AGAP3: variants seen among roughly 807,000 people sequenced by gnomAD.
AGAP3 encodes the protein arf-GAP with GTPase, ANK repeat and PH domain-containing protein 3.
In AGAP3, 24 loss-of-function variants were observed where a neutral mutation model predicts 96.9. The ratio of observed to expected loss-of-function variants is 0.25; its 90% CI spans 0.18 to 0.35. The LOEUF is 0.35. Ranked by LOEUF, AGAP3 falls within the 10% of genes least tolerant of loss-of-function variation. The pLI, the probability that AGAP3 is intolerant of heterozygous loss-of-function variation, is 1.00. For missense variants in AGAP3, 876 were observed against 1,254.2 expected, an observed-to-expected ratio of 0.70 and a Z score of 4.55; for synonymous variants, 563 against 536.1, an observed-to-expected ratio of 1.05 and a Z score of -0.69.
chr7:151,104,315 A>G (rs1795588540), intron 1 of AGAP3, among the ~76,000 whole-genome samples: 1 of 152,198 alleles, frequency 6.6e-6, no homozygotes, highest in South Asian at 2.1e-4. Flanking sequence ...TGTTATAACC[A>G]GTGACAAAAC....
rs1265587556 is a variant in AGAP3, at chr7:151,142,319, G to A, written c.2050+66G>A. 11 of 1,599,656 alleles carry A rather than the reference G, an allele frequency of 6.9e-6. No homozygotes were observed. The Admixed American group carries it at 1.3e-4, about 19-fold the overall frequency. ...CAGGGAAAGCTTCGCAAGCATCAGG[G>A]AGCAGGGAAGAGGGCAGGGAAGCCT... On this transcript the variant is annotated intron_variant, in intron 15 of 17. Coordinates refer to ENST00000397238, the MANE Select transcript of AGAP3 (RefSeq NM_031946.7). The surrounding 1 kb of genome is among the most constrained non-coding windows in gnomAD (Gnocchi z 7.5).
chr7:151,115,769 C>G (rs1799546848), intron 1 of AGAP3: 1 of 531,246 alleles, frequency 1.9e-6, no homozygotes, highest in Non-Finnish European at 2.5e-6. Flanking sequence ...GACCGAGTGT[C>G]GTCCGCGCCT....
intron 1 of AGAP3, among the ~76,000 whole-genome samples, chr7:151,094,189 A>G (rs1563421720): frequency 1.3e-5 from 2 of 151,974 alleles, no homozygotes; most frequent in African/African-American, 4.8e-5. Context: ...AACAGTGCCT[A>G]GCGTGTCATA....
chr7:151,122,478 T>C (rs1799947050), intron 8 of AGAP3, among the ~76,000 whole-genome samples: 1 of 152,082 alleles, frequency 6.6e-6, no homozygotes, highest in African/African-American at 2.4e-5. Context: ...GCTTGGCCTG[T>C]GTCTGCCCAG....
chr7:151,124,922 T>G (rs1300076852), intron 9 of AGAP3, among the ~76,000 whole-genome samples: 1 of 152,182 alleles, frequency 6.6e-6, no homozygotes, highest in Non-Finnish European at 1.5e-5. Flanking sequence ...AAATGTTCGT[T>G]GCATTTATGT....
intron 8 of AGAP3, chr7:151,120,429 T>C: frequency 1.5e-6 from 1 of 673,792 alleles, no homozygotes. Flanking sequence ...GCCGCCTTCC[T>C]CTCTCCTAGG....
chr7:151,115,501 C>G, intron 1 of AGAP3: 7 of 1,021,112 alleles, frequency 6.9e-6, no homozygotes, highest in Admixed American at 5.8e-5. Flanking sequence ...CGCGCAGCGC[C>G]GGAGCCCGGC....
In AGAP3 at chr7:151,118,207, C is replaced by T. The variant is rs1256552336; in HGVS notation, c.707-3C>T. 1 of 1,604,960 alleles carries T rather than the reference C, an allele frequency of 6.2e-7. No homozygotes were observed. The highest frequency in any genetic ancestry group is 8.5e-7 in the Non-Finnish European group (1 of 1,173,336). On this transcript the variant is annotated splice_polypyrimidine_tract_variant and splice_region_variant and intron_variant, in intron 5 of 17. Coordinates refer to ENST00000397238, the MANE Select transcript of AGAP3 (RefSeq NM_031946.7). This position sits in a 1 kb window ranked among gnomAD's most constrained non-coding sequence, Gnocchi z 6.1. ...ATGACTCCCGCCCTCCCACCTCCAA[C>T]AGATGCCATCAGCGCTGCGAATCCC...
At chr7:151,138,114 C>T in intron 11 of AGAP3, 29 bp from the exon 12 acceptor site, 5 of 1,547,488 alleles carry the variant, frequency 3.2e-6, no homozygotes, top group East Asian at 2.4e-5. Context: ...CCCGGCCTCC[C>T]TTCCCAGTCT....
chr7:151,101,170 C>T (rs910136458), intron 1 of AGAP3, among the ~76,000 whole-genome samples: 7 of 152,258 alleles, frequency 4.6e-5, no homozygotes, highest in Non-Finnish European at 8.8e-5. Context: ...GCACCAGGCC[C>T]GGCCCCATGA....
chr7:151,108,957 T>C lies in AGAP3; in HGVS notation c.332-7836T>C, dbSNP rs1351631560. ...CCTGTGTGTTCTTCCCAGTATGCAC[T>C]AGCTTTTCTGGAGAGCTCATAGCTT... On this transcript the variant is annotated intron_variant, in intron 1 of 17. Coordinates refer to ENST00000397238, the MANE Select transcript of AGAP3 (RefSeq NM_031946.7). This position sits in a 1 kb window ranked among gnomAD's most constrained non-coding sequence, Gnocchi z 4.2. 2.6e-5 allele frequency among the ~76,000 whole-genome samples: 4 copies of C among 152,144 alleles called. No homozygotes were observed. The highest frequency in any genetic ancestry group is 1.3e-4 in the Admixed American group (2 of 15,290).
chr7:151,124,562 G>A (rs1201294349), intron 9 of AGAP3, among the ~76,000 whole-genome samples: 1 of 152,208 alleles, frequency 6.6e-6, no homozygotes, highest in East Asian at 1.9e-4. Context: ...GGGGGCACTT[G>A]GCACAGAATT....
rs746073858 is a variant in AGAP3 at position 151,141,885 on chromosome 7, A to AC, written c.1805-6dup. On this transcript the variant is annotated splice_polypyrimidine_tract_variant and intron_variant, in intron 13 of 17. Transcript: ENST00000397238. The surrounding 1 kb of genome is among the most constrained non-coding windows in gnomAD (Gnocchi z 4.2). ...GGCCAGGAGCCCTGATGGCATAAAC[A>AC]CCCCCCCAACAGAGGCAGAGGAGTC... The AC allele has an allele frequency of 1.6e-5, 25 of 1,612,512 alleles. No individual in the cohort carries two copies. Among genetic ancestry groups the AC allele is most frequent in the African/African-American group, 8.0e-5 (6 of 74,612 alleles).
chr7:151,118,023 C>A lies in AGAP3; in HGVS notation c.707-187C>A. 1 of 904,888 alleles carries A rather than the reference C, an allele frequency of 1.1e-6. No individual in the cohort carries two copies. The highest frequency in any genetic ancestry group is 1.7e-6 in the Non-Finnish European group (1 of 605,546). 56.1% of individuals were successfully genotyped at this position (904,888 alleles called of 1,614,324 possible). The stretch of plus-strand genomic sequence containing the variant: ...AATAAACGTGCTCAGAGCTTAAGTG[C>A]TTGCTGGTTTGCACTCAGTGAGGCC... On this transcript the variant is annotated intron_variant, in intron 5 of 17. Transcript: ENST00000397238. The surrounding 1 kb of genome is among the most constrained non-coding windows in gnomAD (Gnocchi z 6.1).
At chr7:151,088,795 G>T (rs1314095952) in intron 1 of AGAP3, among the ~76,000 whole-genome samples, 1 of 152,164 alleles carries the variant, frequency 6.6e-6, no homozygotes, top group Admixed American at 6.5e-5. Flanking sequence ...GCTGATTCCT[G>T]GGGCGCCCTT....
intron 1 of AGAP3, among the ~76,000 whole-genome samples, chr7:151,092,713 A>G (rs1378707559): frequency 6.6e-6 from 1 of 152,070 alleles, no homozygotes; most frequent in Non-Finnish European, 1.5e-5. Context: ...CCTAGGACCT[A>G]GATTAAGTAA....
At chr7:151,120,294 G>A in intron 8 of AGAP3, 149 bp downstream of exon 8, 2 of 857,914 alleles carry the variant, frequency 2.3e-6, no homozygotes, top group Non-Finnish European at 3.6e-6. Context: ...GGCTCCCGAG[G>A]GTCCTTGCCG....
intron 10 of AGAP3, among the ~76,000 whole-genome samples, chr7:151,132,588 G>A (rs879646080): frequency 2.0e-5 from 3 of 152,236 alleles, no homozygotes; most frequent in Non-Finnish European, 4.4e-5. Flanking sequence ...TGAGAATGAA[G>A]GCGACTGCAG....
intron 1 of AGAP3, among the ~76,000 whole-genome samples, chr7:151,111,214 C>T (rs1217900623): frequency 1.3e-5 from 2 of 152,184 alleles, no homozygotes; most frequent in African/African-American, 4.8e-5. Flanking sequence ...GCCCCGGCTG[C>T]AGGAAGATGT....
Sources: allele counts gnomAD v4.1 joint callset (sites outside exome capture counted in the v4.1 genomes callset), GRCh38; gene constraint gnomAD v4.1.1; non-coding constraint Gnocchi (gnomAD v3.1); transcripts MANE v1.5; gene names NCBI Gene and HGNC (gene_info 2026-07-23, HGNC 2026-07-21).